Variants in TG observed in about 807,000 individuals in gnomAD.
TG encodes the protein thyroid hormones.
A neutral mutation model predicts 324.7 loss-of-function variants in TG; 270 were observed. The ratio of observed to expected loss-of-function variants is 0.83; its 90% CI spans 0.75 to 0.92. The LOEUF is 0.92. Ranked by LOEUF, TG falls within the 40% of genes least tolerant of loss-of-function variation. TG has a pLI of 0.00. For synonymous variants in TG, 1,401 were observed against 1,327.0 expected, an observed-to-expected ratio of 1.06 and a Z score of -1.21; for missense variants, 3,591 against 3,456.4, an observed-to-expected ratio of 1.04 and a Z score of -0.98.
rs527768307 is a variant in TG, at chr8:132,923,627, A to T, written c.4699+119A>T. On this transcript the variant is annotated intron_variant, in intron 22 of 47. Coordinates refer to ENST00000220616, the MANE Select transcript of TG (RefSeq NM_003235.5). ...TGTCTCCAACTTTTTGTTTTGAAAA[A>T]TTTTAATCTGTGTAGAAGTTGGAAG... 2.1e-4 allele frequency: 263 copies of T among 1,249,000 alleles called. 1 individual carries two copies. The highest frequency in any genetic ancestry group is 3.9e-4 in the Admixed American group (14 of 35,450). 77.4% of individuals were successfully genotyped at this position (1,249,000 alleles called of 1,614,324 possible). A position where few individuals can be genotyped will look rare whatever the true frequency, so the allele number is the denominator to read the frequency against.
At chr8:133,039,121 T>C (rs1449446593) in intron 41 of TG, among the ~76,000 whole-genome samples, 1 of 152,188 alleles carries the variant, frequency 6.6e-6, no homozygotes, top group Non-Finnish European at 1.5e-5. Flanking sequence ...TTAGGTGATC[T>C]GCCCACCTCA....
intron 17 of TG, among the ~76,000 whole-genome samples, chr8:132,907,241 C>A (rs1219615649): frequency 6.6e-6 from 1 of 152,166 alleles, no homozygotes. Flanking sequence ...GGCTCACATG[C>A]TCAGCAGCTC....
chr8:133,046,357 G>A (rs1434114144), intron 41 of TG: 1 of 152,262 alleles, frequency 6.6e-6, no homozygotes, highest in Non-Finnish European at 1.5e-5. Flanking sequence ...GCCCCTATGG[G>A]ATATGGCCAG....
At chr8:133,050,512 A>G (rs2252813) in intron 41 of TG, 247,934 of 299,192 alleles carry the variant, frequency 0.83, 104,656 homozygotes, top group African/African-American at 0.9. Flanking sequence ...TTCCTACATA[A>G]CATCAACACT....
intron 1 of TG, 97 bp from the exon 2 acceptor site, chr8:132,868,018 G>C: frequency 1.8e-6 from 2 of 1,095,666 alleles, no homozygotes; most frequent in Non-Finnish European, 2.8e-6. Flanking sequence ...AGGTAATGAT[G>C]ATGACCCTGG....
At chr8:133,114,433 A>G (rs1850528848) in intron 44 of TG, among the ~76,000 whole-genome samples, 1 of 152,170 alleles carries the variant, frequency 6.6e-6, no homozygotes, top group Non-Finnish European at 1.5e-5. Flanking sequence ...TCCCTCTCCT[A>G]GTACTGCATG....
intron 41 of TG, among the ~76,000 whole-genome samples, chr8:133,086,558 A>G (rs1846594807): frequency 6.6e-6 from 1 of 152,228 alleles, no homozygotes; most frequent in Admixed American, 6.5e-5. Context: ...GATGAAAAAA[A>G]ACTATACCTT....
intron 41 of TG, among the ~76,000 whole-genome samples, chr8:133,030,393 G>A (rs1836519757): frequency 1.3e-5 from 2 of 152,188 alleles, no homozygotes; most frequent in South Asian, 4.1e-4. Flanking sequence ...CCGGCTACGT[G>A]AGGCTGATGA....
intron 39 of TG, among the ~76,000 whole-genome samples, chr8:133,021,493 T>C (rs899989750): frequency 6.6e-6 from 1 of 152,240 alleles, no homozygotes; most frequent in African/African-American, 2.4e-5. Flanking sequence ...AGTTTCCTTC[T>C]CTATGAATGG....
chr8:133,132,069 C>A, intron 46 of TG, 123 bp downstream of exon 46: 1 of 1,445,786 alleles, frequency 6.9e-7, no homozygotes, highest in Non-Finnish European at 9.6e-7. Context: ...ACACTATAAT[C>A]ACCAGCCACT....
chr8:133,054,815 C>G (rs984404181), intron 41 of TG, among the ~76,000 whole-genome samples: 2 of 152,180 alleles, frequency 1.3e-5, no homozygotes, highest in Non-Finnish European at 2.9e-5. Context: ...GGGGAGGGAC[C>G]CAGGCAGGCC....
At chr8:133,043,640 C>T (rs1408839975) in intron 41 of TG, among the ~76,000 whole-genome samples, 1 of 152,166 alleles carries the variant, frequency 6.6e-6, no homozygotes, top group Non-Finnish European at 1.5e-5. Flanking sequence ...CCCAAGGCCT[C>T]ACAAGGTGCA....
intron 41 of TG, among the ~76,000 whole-genome samples, chr8:133,089,011 A>G (rs531153648): frequency 6.6e-6 from 1 of 152,378 alleles, no homozygotes; most frequent in Non-Finnish European, 1.5e-5. Flanking sequence ...GCTCAATAGC[A>G]TGCCACAATT....
chr8:133,092,549 T>A (rs1175041034), intron 41 of TG, among the ~76,000 whole-genome samples: 1 of 152,156 alleles, frequency 6.6e-6, no homozygotes, highest in Non-Finnish European at 1.5e-5. Context: ...CAGCTCCCAC[T>A]GTGCAGAGGA....
At chr8:133,108,848 C>T (rs1421181254) in intron 43 of TG, among the ~76,000 whole-genome samples, 1 of 152,252 alleles carries the variant, frequency 6.6e-6, no homozygotes, top group African/African-American at 2.4e-5. Context: ...ACTAACATCA[C>T]AGCACCTGGG....
intron 22 of TG, among the ~76,000 whole-genome samples, chr8:132,927,458 C>G (rs553506194): frequency 6.6e-6 from 1 of 152,268 alleles, no homozygotes; most frequent in South Asian, 2.1e-4. Flanking sequence ...TAATGTTAAC[C>G]TTTTATGCTT....
At chr8:133,118,912 A>G (rs1273711043) in intron 45 of TG, among the ~76,000 whole-genome samples, 1 of 152,152 alleles carries the variant, frequency 6.6e-6, no homozygotes, top group Non-Finnish European at 1.5e-5. Context: ...CCTGAATGCA[A>G]TCTTAAGTAT....
At chr8:132,936,250 C>T (rs368553618) in intron 25 of TG, among the ~76,000 whole-genome samples, 1 of 152,230 alleles carries the variant, frequency 6.6e-6, no homozygotes, top group Non-Finnish European at 1.5e-5. Context: ...AAGGCCCATG[C>T]GGCCCAAGAG....
At chr8:133,099,149 C>A (rs368283960) in intron 43 of TG, among the ~76,000 whole-genome samples, 13 of 152,334 alleles carry the variant, frequency 8.5e-5, no homozygotes, top group East Asian at 3.9e-4. Context: ...GTTGGGCACC[C>A]CCAAATAGAG....
Sources: allele counts gnomAD v4.1 joint callset (sites outside exome capture counted in the v4.1 genomes callset), GRCh38; gene constraint gnomAD v4.1.1; transcripts MANE v1.5; gene names NCBI Gene and HGNC (gene_info 2026-07-23, HGNC 2026-07-21).